The following PARD3 variants were observed in gnomAD, a reference collection of about 807,000 sequenced individuals.
PARD3 encodes the protein par-3 family cell polarity regulator.
A neutral mutation model predicts 155.4 loss-of-function variants in PARD3; 75 were observed. That is an observed-to-expected ratio of 0.48 (90% CI 0.40 to 0.58). The LOEUF is 0.58. PARD3 is among the 20% of genes least tolerant of loss of function. The pLI is 0.00. For missense variants in PARD3, 1,642 were observed against 1,721.7 expected, an observed-to-expected ratio of 0.95 and a Z score of 0.82; for synonymous variants, 576 against 610.5, an observed-to-expected ratio of 0.94 and a Z score of 0.83.
At chr10:34,686,715 T>C (rs1370433866) in intron 2 of PARD3, among the ~76,000 whole-genome samples, 1 of 150,368 alleles carries the variant, frequency 6.7e-6, no homozygotes, top group African/African-American at 2.5e-5. Context: ...CACTCCAGCC[T>C]GGGAAACAAG....
intron 22 of PARD3, among the ~76,000 whole-genome samples, chr10:34,226,549 C>A: frequency 6.6e-6 from 1 of 151,684 alleles, no homozygotes; most frequent in Non-Finnish European, 1.5e-5. Flanking sequence ...AACTTTGTCT[C>A]AAAAAAAACT....
At chr10:34,677,004 T>C (rs2093720297) in intron 2 of PARD3, among the ~76,000 whole-genome samples, 1 of 152,220 alleles carries the variant, frequency 6.6e-6, no homozygotes, top group African/African-American at 2.4e-5. Flanking sequence ...ATTACATTAA[T>C]TTGAAGAAAA....
At chr10:34,513,524 G>A (rs182588531) in intron 3 of PARD3, among the ~76,000 whole-genome samples, 3 of 152,046 alleles carry the variant, frequency 2.0e-5, no homozygotes, top group Non-Finnish European at 2.9e-5. Flanking sequence ...ATCATGATTC[G>A]CCCACCTTGG....
At position 34,205,616 on chromosome 10, in the gene PARD3, T is replaced by C. The variant is rs146760738; in HGVS notation, c.3419+64041A>G. ...AATGCCAGGCTCTAAGAAGAGGAAG[T>C]GGGCGGCCAGGGAGAGGGTGAAGCG... On this transcript the variant is annotated intron_variant, in intron 22 of 24. Transcript: ENST00000374788. Among the ~76,000 whole-genome samples the C allele has an allele frequency of 3.5e-4, 54 of 152,122 alleles. No individual in the cohort carries two copies. The East Asian group carries it at 8.3e-3, about 23-fold the overall frequency.
chr10:34,604,520 T>G (rs1033233358), intron 2 of PARD3, among the ~76,000 whole-genome samples: 1 of 151,454 alleles, frequency 6.6e-6, no homozygotes, highest in African/African-American at 2.4e-5. Context: ...GATGGCCTAT[T>G]ATGGGACTTT....
intron 5 of PARD3, among the ~76,000 whole-genome samples, chr10:34,428,668 G>C (rs10827368): frequency 0.47 from 71,871 of 152,158 alleles, 20,391 homozygotes; most frequent in Non-Finnish European, 0.62. Context: ...AAAGAGGTTA[G>C]AGCCCTGCCA....
chr10:34,760,532 C>T (rs1172352550), intron 1 of PARD3, among the ~76,000 whole-genome samples: 2 of 152,108 alleles, frequency 1.3e-5, no homozygotes, highest in Non-Finnish European at 2.9e-5. Context: ...ATCGTTTCAC[C>T]TTGTTGGCCA....
chr10:34,645,283 G>A (rs980897346), intron 2 of PARD3, among the ~76,000 whole-genome samples: 1 of 151,932 alleles, frequency 6.6e-6, no homozygotes, highest in African/African-American at 2.4e-5. Context: ...TCGGCTCACT[G>A]TAACCTCTAC....
intron 2 of PARD3, among the ~76,000 whole-genome samples, chr10:34,623,461 C>A (rs1432399216): frequency 1.3e-5 from 2 of 152,206 alleles, no homozygotes; most frequent in African/African-American, 2.4e-5. Flanking sequence ...AAATCTTCAA[C>A]TTTAATTGAA....
At chr10:34,482,636 C>A (rs2079157798) in intron 3 of PARD3, among the ~76,000 whole-genome samples, 1 of 152,086 alleles carries the variant, frequency 6.6e-6, no homozygotes, top group African/African-American at 2.4e-5. Context: ...TATTTACATA[C>A]CTGGTACCAG....
chr10:34,401,796 C>A (rs1348168769), intron 6 of PARD3, 30 bp downstream of exon 6: 1 of 1,402,316 alleles, frequency 7.1e-7, no homozygotes, highest in Non-Finnish European at 1.0e-6. Flanking sequence ...ATGTATACTG[C>A]AAACTTAGTT....
intron 2 of PARD3, among the ~76,000 whole-genome samples, chr10:34,547,431 A>G (rs1239936199): frequency 1.3e-5 from 2 of 152,258 alleles, no homozygotes; most frequent in African/African-American, 2.4e-5. Context: ...TACATATACC[A>G]TATGTATTAA....
chr10:34,396,660 T>G (rs1843377723), intron 7 of PARD3, among the ~76,000 whole-genome samples: 1 of 152,174 alleles, frequency 6.6e-6, no homozygotes, highest in Admixed American at 6.5e-5. Flanking sequence ...TTAGTTATCC[T>G]CCAAAATTGA....
intron 22 of PARD3, among the ~76,000 whole-genome samples, chr10:34,245,648 A>G (rs1449712936): frequency 6.6e-6 from 1 of 152,100 alleles, no homozygotes; most frequent in Non-Finnish European, 1.5e-5. Context: ...GATCTGAGAA[A>G]AAGTATAGAA....
Position 34,556,033 on chromosome 10 carries a change from C to CA in PARD3, c.223-38875dup, listed in dbSNP as rs200464719. 4.5e-3 allele frequency among the ~76,000 whole-genome samples: 678 copies of CA among 152,294 alleles called. 2 individuals carry two copies. Among genetic ancestry groups the CA allele is most frequent in the Non-Finnish European group, 7.5e-3 (507 of 68,032 alleles). ...ATAAAGAAAACTTAGCAACACTAGT[C>CA]AGACAAACTGTAACAAGGAAATAGA... is the stretch of plus-strand genomic sequence containing the variant. On this transcript the variant is annotated intron_variant, in intron 2 of 24. Transcript: ENST00000374788.
At chr10:34,764,374 A>T (rs1232943288) in intron 1 of PARD3, among the ~76,000 whole-genome samples, 1 of 152,232 alleles carries the variant, frequency 6.6e-6, no homozygotes, top group Admixed American at 6.5e-5. Flanking sequence ...CTCCTTGAAT[A>T]AAAAATGGTG....
intron 22 of PARD3, among the ~76,000 whole-genome samples, chr10:34,136,664 G>T (rs1242732556): frequency 6.6e-6 from 1 of 152,102 alleles, no homozygotes. Context: ...AAGAAAAGCT[G>T]CCAAAGAAGA....
chr10:34,769,403 AAC>A (rs780196914), intron 1 of PARD3, among the ~76,000 whole-genome samples: 90 of 152,216 alleles, frequency 5.9e-4, no homozygotes, highest in Admixed American at 1.0e-3. Context: ...ACTGCCAAAA[AAC>A]ACAGTCAGCC....
chr10:34,776,715 C>A lies in PARD3; in HGVS notation c.120+38161G>T, dbSNP rs1281441530. ...AATCTTCAAACTAGTGAAGGAACAA[C>A]ATTGTGAGCAGAAAATTAGAAGCCT... On this transcript the variant is annotated intron_variant, in intron 1 of 24. Transcript: ENST00000374788. 2.0e-5 allele frequency among the ~76,000 whole-genome samples: 3 copies of A among 151,884 alleles called. No individual in the cohort carries two copies. The East Asian group carries it at 5.8e-4, about 29-fold the overall frequency.
Sources: allele counts gnomAD v4.1 joint callset (sites outside exome capture counted in the v4.1 genomes callset), GRCh38; gene constraint gnomAD v4.1.1; transcripts MANE v1.5; gene names NCBI Gene and HGNC (gene_info 2026-07-23, HGNC 2026-07-21).